Variants in AMOTL1 observed in about 807,000 individuals in gnomAD.
The protein encoded by AMOTL1 is angiomotin like 1.
AMOTL1 carries 45 observed loss-of-function variants against 102.9 expected under a neutral mutation model. That is an observed-to-expected ratio of 0.44 (90% CI 0.34 to 0.56). AMOTL1 has a LOEUF of 0.56. Ranked by LOEUF, AMOTL1 falls within the 20% of genes least tolerant of loss-of-function variation. AMOTL1 has a pLI of 0.01. For synonymous variants in AMOTL1, 481 were observed against 484.7 expected, an observed-to-expected ratio of 0.99 and a Z score of 0.10; for missense variants, 1,114 against 1,225.6, an observed-to-expected ratio of 0.91 and a Z score of 1.36.
At chr11:94,776,088 G>A (rs1951022926) in intron 1 of AMOTL1, among the ~76,000 whole-genome samples, 1 of 152,182 alleles carries the variant, frequency 6.6e-6, no homozygotes, top group Non-Finnish European at 1.5e-5. Context: ...ACCATCAAAG[G>A]TCATCCTGAA....
intron 6 of AMOTL1, among the ~76,000 whole-genome samples, chr11:94,843,933 G>C (rs1035184437): frequency 5.1e-4 from 77 of 152,112 alleles, no homozygotes; most frequent in Non-Finnish European, 1.8e-4. Flanking sequence ...TGCTGGACTT[G>C]GGGCTCTGGC....
Position 94,850,223 on chromosome 11 carries a change from C to A in AMOTL1, c.1758C>A (p.Ser586Arg). ...TCGAGATCCTGGACCAGGCTTTGAG[C>A]AACGCCCAGGCCAGGGTCATCAAGC... ...RHIEILDQAL[S>R]NAQARVIKLE... The change falls in exon 7 of 13, where the codon AGC becomes AGA. Residue 586 changes from serine to arginine, a missense_variant. By Grantham distance (110) the Ser-to-Arg change is moderately radical. Transcript: ENST00000433060. The A allele has an allele frequency of 1.9e-6, 3 of 1,595,644 alleles. No individual in the cohort carries two copies. Among genetic ancestry groups the A allele is most frequent in the Non-Finnish European group, 2.6e-6 (3 of 1,170,958 alleles).
chr11:94,816,617 T>G (rs1268537394), intron 3 of AMOTL1, among the ~76,000 whole-genome samples: 1 of 152,230 alleles, frequency 6.6e-6, no homozygotes, highest in African/African-American at 2.4e-5. Flanking sequence ...ATTAAATTTT[T>G]TTTTTAATTA....
rs1952878145 is a variant in AMOTL1, at chr11:94,866,107, T to C, written c.2427T>C (p.Ser809=). ...CTGGGACACACTCTCGCCAGACCTCTCTTACCAGCAGCCAGCTGGCTGAGG... is the reference window on the plus strand; with the variant it reads ...CTGGGACACACTCTCGCCAGACCTCCCTTACCAGCAGCCAGCTGGCTGAGG... ...AATGTHSRQT[S]LTSSQLAEEK... Residue 809 remains serine, a synonymous_variant, in exon 11 of 13, where the codon TCT becomes TCC. Transcript: ENST00000433060. The C allele has an allele frequency of 6.2e-7, 1 of 1,613,902 alleles. No homozygotes were observed. The highest frequency in any genetic ancestry group is 1.1e-5 in the South Asian group (1 of 91,064).
intron 1 of AMOTL1, among the ~76,000 whole-genome samples, chr11:94,711,534 C>A (rs1311302262): frequency 6.6e-6 from 1 of 151,998 alleles, no homozygotes; most frequent in Non-Finnish European, 1.5e-5. Flanking sequence ...GTAACTATTG[C>A]CACAATCAAA....
chr11:94,860,438 T>C (rs1384562695), intron 9 of AMOTL1, among the ~76,000 whole-genome samples: 1 of 152,218 alleles, frequency 6.6e-6, no homozygotes, highest in Admixed American at 6.5e-5. Context: ...ATTCTGTCTT[T>C]ATAAACTAGC....
intron 6 of AMOTL1, among the ~76,000 whole-genome samples, chr11:94,840,681 T>TATATATATATATATATACACAC (rs1166713705): frequency 7.6e-5 from 8 of 104,776 alleles, no homozygotes; most frequent in African/African-American, 3.2e-4. Flanking sequence ...TATATATATA[T>TATATATATATATATATACACAC]ACACACACAC....
At chr11:94,776,105 C>T (rs1044781032) in intron 1 of AMOTL1, among the ~76,000 whole-genome samples, 1 of 152,232 alleles carries the variant, frequency 6.6e-6, no homozygotes, top group African/African-American at 2.4e-5. Context: ...TGAACTTCTC[C>T]ACCTTGGATC....
chr11:94,825,852 C>G (rs1951952430), intron 4 of AMOTL1, among the ~76,000 whole-genome samples: 1 of 152,206 alleles, frequency 6.6e-6, no homozygotes, highest in Non-Finnish European at 1.5e-5. Context: ...ACTTCCCATT[C>G]CTTAGTAATC....
At chr11:94,738,935 G>A (rs2135472862) in intron 2 of AMOTL1, among the ~76,000 whole-genome samples, 1 of 152,286 alleles carries the variant, frequency 6.6e-6, no homozygotes, top group Non-Finnish European at 1.5e-5. Flanking sequence ...GTTGGAGCAG[G>A]TCAAGAAAGG....
intron 2 of AMOTL1, among the ~76,000 whole-genome samples, chr11:94,732,713 T>A (rs1200532901): frequency 6.6e-6 from 1 of 152,160 alleles, no homozygotes; most frequent in African/African-American, 2.4e-5. Context: ...TTCTTCCTCT[T>A]ATAGATGTGC....
chr11:94,796,275 T>G (rs1951362774), intron 2 of AMOTL1, among the ~76,000 whole-genome samples: 1 of 152,046 alleles, frequency 6.6e-6, no homozygotes, highest in Non-Finnish European at 1.5e-5. Flanking sequence ...AGAGGTGAGA[T>G]TTTGGGGGTA....
intron 1 of AMOTL1, among the ~76,000 whole-genome samples, chr11:94,785,905 G>C (rs920090587): frequency 6.6e-6 from 1 of 152,116 alleles, no homozygotes; most frequent in African/African-American, 2.4e-5. Context: ...AGTACTTACT[G>C]TCTGCATTGA....
intron 3 of AMOTL1, among the ~76,000 whole-genome samples, chr11:94,750,812 C>A (rs1950644223): frequency 6.6e-6 from 1 of 152,172 alleles, no homozygotes; most frequent in Non-Finnish European, 1.5e-5. Context: ...AAAACAATCA[C>A]AAAATAGTTC....
chr11:94,804,069 A>T (rs1951526673), intron 3 of AMOTL1, among the ~76,000 whole-genome samples: 3 of 152,294 alleles, frequency 2.0e-5, no homozygotes, highest in Admixed American at 2.0e-4. Flanking sequence ...TTTCTCCATG[A>T]TAGAGCGAAC....
chr11:94,780,666 C>T (rs1012417008), intron 1 of AMOTL1, among the ~76,000 whole-genome samples: 1 of 152,236 alleles, frequency 6.6e-6, no homozygotes, highest in South Asian at 2.1e-4. Context: ...TAAAATTTAC[C>T]GAGCACTTCC....
At chr11:94,801,993 C>G (rs1951486692) in intron 3 of AMOTL1, among the ~76,000 whole-genome samples, 1 of 152,198 alleles carries the variant, frequency 6.6e-6, no homozygotes, top group Admixed American at 6.5e-5. Context: ...TGTACATCTT[C>G]TGAAAAAGGA....
intron 2 of AMOTL1, among the ~76,000 whole-genome samples, chr11:94,730,928 A>G (rs1950338823): frequency 6.6e-6 from 1 of 152,174 alleles, no homozygotes; most frequent in South Asian, 2.1e-4. Flanking sequence ...TTTGTAACCT[A>G]GGCAATAGAA....
chr11:94,813,435 A>G (rs1951715302), intron 3 of AMOTL1, among the ~76,000 whole-genome samples: 2 of 152,214 alleles, frequency 1.3e-5, no homozygotes, highest in African/African-American at 4.8e-5. Flanking sequence ...ACTGGGATCA[A>G]CGTTCCCCAG....
Sources: gnomAD v4.1 joint callset for allele counts (sites outside exome capture counted in the v4.1 genomes callset) on GRCh38, gnomAD v4.1.1 for gene constraint, MANE v1.5 for transcripts, NCBI Gene and HGNC (gene_info 2026-07-23, HGNC 2026-07-21) for gene names.